Variants in NTRK2 observed in about 807,000 individuals in gnomAD.
The protein encoded by NTRK2 is neurotrophic receptor tyrosine kinase 2.
A neutral mutation model predicts 94.5 loss-of-function variants in NTRK2; 13 were observed. The observed-to-expected ratio is 0.14, with a 90% CI of 0.09 to 0.22. The LOEUF is 0.22. Among genes scored for constraint, NTRK2 ranks in the 10% least tolerant of loss-of-function variants. The pLI is 1.00. For synonymous variants in NTRK2, 372 were observed against 407.4 expected, an observed-to-expected ratio of 0.91 and a Z score of 1.05; for missense variants, 639 against 1,071.2, an observed-to-expected ratio of 0.60 and a Z score of 5.63.
At chr9:84,811,012 A>T (rs201527963) in intron 12 of NTRK2, 2 of 1,112,696 alleles carry the variant, frequency 1.8e-6, no homozygotes. Flanking sequence ...GAACAGGTAT[A>T]AGTGCACACT....
rs746665735 is a variant in NTRK2 at position 84,752,028 on chromosome 9, C to T, written c.1339C>T (p.Leu447Phe). Residue 447 changes from leucine to phenylalanine, a missense_variant, in exon 12 of 19, where the codon CTT becomes TTT. Around this residue, in one of 5 missense-constraint regions of NTRK2, gnomAD observed 343 missense variants for 571.5 expected, o/e 0.60. Coordinates refer to ENST00000277120, the MANE Select transcript of NTRK2 (RefSeq NM_006180.6). ...VVIASVVGFC[L>F]LVMLFLLKLA... ...GATTGCGTCTGTGGTGGGATTTTGC[C>T]TTTTGGTAATGCTGTTTCTGCTTAA... The T allele has an allele frequency of 1.2e-6, 2 of 1,613,944 alleles. No homozygotes were observed. The highest frequency in any genetic ancestry group is 2.2e-5 in the East Asian group (1 of 44,862).
chr9:84,716,314 T>C (rs1032778518), intron 6 of NTRK2, among the ~76,000 whole-genome samples: 2 of 152,184 alleles, frequency 1.3e-5, no homozygotes, highest in African/African-American at 4.8e-5. Flanking sequence ...TTTATGATAG[T>C]GAAGGTCAGT....
intron 6 of NTRK2, among the ~76,000 whole-genome samples, chr9:84,723,291 A>G (rs1254779674): frequency 6.6e-6 from 1 of 152,222 alleles, no homozygotes; most frequent in African/African-American, 2.4e-5. Context: ...GAGGTGGAAG[A>G]CAGTTCTTTA....
At chr9:84,944,116 A>G (rs895476039) in intron 15 of NTRK2, among the ~76,000 whole-genome samples, 2 of 151,234 alleles carry the variant, frequency 1.3e-5, no homozygotes, top group Non-Finnish European at 2.9e-5. Context: ...TCTTTTCCAT[A>G]TTTTGCTTTG....
At chr9:84,915,654 A>G (rs905879433) in intron 14 of NTRK2, among the ~76,000 whole-genome samples, 13 of 152,196 alleles carry the variant, frequency 8.5e-5, no homozygotes, top group African/African-American at 2.9e-4. Context: ...ATTTCTTTAT[A>G]TCAAGGGAAA....
chr9:84,723,763 G>A (rs1214421462), intron 7 of NTRK2, 54 bp downstream of exon 7: 1 of 1,607,096 alleles, frequency 6.2e-7, no homozygotes, highest in African/African-American at 1.3e-5. Context: ...GTTTCAGAAT[G>A]CGAGAATGTA....
chr9:84,787,883 C>T (rs1247891079), intron 12 of NTRK2, among the ~76,000 whole-genome samples: 3 of 152,080 alleles, frequency 2.0e-5, no homozygotes, highest in South Asian at 4.1e-4. Context: ...ACAGACTTCT[C>T]GAGTTTGAAT....
intron 17 of NTRK2, among the ~76,000 whole-genome samples, chr9:84,962,920 G>A (rs1825124721): frequency 6.6e-6 from 1 of 152,206 alleles, no homozygotes. Context: ...GAACCAATAT[G>A]CTACTAAAGG....
chr9:84,839,820 T>C lies in NTRK2; in HGVS notation c.1397-21220T>C, dbSNP rs560121107. 6.6e-5 allele frequency among the ~76,000 whole-genome samples: 10 copies of C among 152,306 alleles called. No individual in the cohort carries two copies. In the East Asian group the frequency reaches 1.7e-3, roughly 26 times the overall value. The stretch of plus-strand genomic sequence containing the variant: ...GTGAGGAGTCTGCCAGCACATCAAG[T>C]GTGTCTGCAAAATGCAGACAAATTG... On this transcript the variant is annotated intron_variant, in intron 12 of 18. Transcript: ENST00000277120.
At chr9:84,924,040 G>A (rs2077657854) in intron 14 of NTRK2, among the ~76,000 whole-genome samples, 1 of 152,052 alleles carries the variant, frequency 6.6e-6, no homozygotes, top group African/African-American at 2.4e-5. Context: ...ACAGACACCA[G>A]CAAAGAGACC....
chr9:84,741,647 T>C (rs2063659225), intron 9 of NTRK2, among the ~76,000 whole-genome samples: 1 of 152,170 alleles, frequency 6.6e-6, no homozygotes, highest in Non-Finnish European at 1.5e-5. Flanking sequence ...TTCAAAGCAA[T>C]TTGTGATCTT....
intron 17 of NTRK2, among the ~76,000 whole-genome samples, chr9:85,005,877 A>G (rs1489547011): frequency 6.6e-6 from 1 of 152,028 alleles, no homozygotes; most frequent in Non-Finnish European, 1.5e-5. Flanking sequence ...CCCTTACTCT[A>G]TTATTTTGGC....
At chr9:84,899,251 G>A (rs1412100136) in intron 14 of NTRK2, among the ~76,000 whole-genome samples, 2 of 152,168 alleles carry the variant, frequency 1.3e-5, no homozygotes, top group Non-Finnish European at 2.9e-5. Flanking sequence ...AAATTTGAAT[G>A]ACTTTGAAAT....
At chr9:84,790,708 T>C (rs576362426) in intron 12 of NTRK2, among the ~76,000 whole-genome samples, 1 of 152,202 alleles carries the variant, frequency 6.6e-6, no homozygotes, top group Non-Finnish European at 1.5e-5. Context: ...GCAGATGAGA[T>C]GCAGAAGGAA....
chr9:84,902,638 G>A (rs1243911055), intron 14 of NTRK2, among the ~76,000 whole-genome samples: 1 of 152,180 alleles, frequency 6.6e-6, no homozygotes, highest in Non-Finnish European at 1.5e-5. Flanking sequence ...CACAGGACTA[G>A]TACTACAAAG....
At chr9:84,702,769 T>A (rs925854324) in intron 4 of NTRK2, among the ~76,000 whole-genome samples, 2 of 152,144 alleles carry the variant, frequency 1.3e-5, no homozygotes, top group African/African-American at 4.8e-5. Context: ...ATCAAACTAG[T>A]GGAATCGAAA....
chr9:84,922,794 A>C (rs749311971), intron 14 of NTRK2, among the ~76,000 whole-genome samples: 5 of 152,214 alleles, frequency 3.3e-5, no homozygotes, highest in Non-Finnish European at 5.9e-5. Context: ...CACCAAACAC[A>C]GTTCTTTTTC....
intron 12 of NTRK2, among the ~76,000 whole-genome samples, chr9:84,792,145 T>C (rs1379026373): frequency 2.0e-5 from 3 of 152,130 alleles, no homozygotes; most frequent in Non-Finnish European, 4.4e-5. Flanking sequence ...ATGAACAGAG[T>C]TAATTATAAC....
At chr9:84,818,035 C>CA (rs2072536269) in intron 12 of NTRK2, among the ~76,000 whole-genome samples, 1 of 152,144 alleles carries the variant, frequency 6.6e-6, no homozygotes, top group Non-Finnish European at 1.5e-5. Flanking sequence ...AGCTCTACCA[C>CA]AGGACCTAAG....
Sources: gnomAD v4.1 joint callset for allele counts (sites outside exome capture counted in the v4.1 genomes callset) on GRCh38, gnomAD v4.1.1 for gene constraint, gnomAD v4.1.1 regional missense constraint, MANE v1.5 for transcripts, NCBI Gene and HGNC (gene_info 2026-07-23, HGNC 2026-07-21) for gene names.